Variants in MTCL2 observed in about 807,000 individuals in gnomAD.
The protein encoded by MTCL2 is microtubule crosslinking factor 2.
the MTCL2 span, chr20:36,839,324 G>A: frequency 1.9e-6 from 3 of 1,612,838 alleles, no homozygotes; most frequent in South Asian, 1.1e-5. The surrounding 1 kb of genome is among the most constrained non-coding windows in gnomAD (Gnocchi z 5.1). Flanking sequence ...TGCAGGATGC[G>A]GCAGGTCTTG....
chr20:36,791,940 AAC>A, the MTCL2 span, among the ~76,000 whole-genome samples: 9,237 of 152,256 alleles, frequency 0.061, 961 homozygotes, highest in African/African-American at 0.21. Flanking sequence ...TGCACATTCT[AAC>A]ACATTCAAAT....
At chr20:36,844,777 T>C in the MTCL2 span, among the ~76,000 whole-genome samples, 1 of 151,850 alleles carries the variant, frequency 6.6e-6, no homozygotes, top group Non-Finnish European at 1.5e-5. Context: ...CCCAGCACTA[T>C]GGGGAGACCG....
At chr20:36,788,249 C>T in the MTCL2 span, among the ~76,000 whole-genome samples, 3 of 149,548 alleles carry the variant, frequency 2.0e-5, no homozygotes, top group African/African-American at 7.4e-5. Flanking sequence ...ATGTGGGAGG[C>T]TGAGACAGGA....
At chr20:36,824,259 T>A in the MTCL2 span, among the ~76,000 whole-genome samples, 3 of 152,230 alleles carry the variant, frequency 2.0e-5, no homozygotes, top group Non-Finnish European at 4.4e-5. Context: ...GCATTATTCA[T>A]AGTAGCCAAA....
At chr20:36,784,503 G>T in the MTCL2 span, 1 of 985,430 alleles carries the variant, frequency 1.0e-6, no homozygotes, top group African/African-American at 1.7e-5. Context: ...CTGGCTTTTG[G>T]TCTTCCTGAT....
the MTCL2 span, chr20:36,808,528 C>A: frequency 3.8e-6 from 6 of 1,598,326 alleles, no homozygotes; most frequent in East Asian, 6.8e-5. Flanking sequence ...GGAAGTCATC[C>A]CCTTCGCTGG....
At chr20:36,790,964 G>A in the MTCL2 span, among the ~76,000 whole-genome samples, 1 of 152,118 alleles carries the variant, frequency 6.6e-6, no homozygotes, top group African/African-American at 2.4e-5. Context: ...ACACACTGCT[G>A]GAAGCTGTAG....
the MTCL2 span, among the ~76,000 whole-genome samples, chr20:36,827,624 G>A: frequency 6.6e-6 from 1 of 152,092 alleles, no homozygotes; most frequent in African/African-American, 2.4e-5. Context: ...GAGCCACCGT[G>A]CAGGCTTTGC....
chr20:36,793,215 C>T, the MTCL2 span: 9 of 1,528,070 alleles, frequency 5.9e-6, no homozygotes, highest in Non-Finnish European at 6.2e-6. The surrounding 1 kb of genome is among the most constrained non-coding windows in gnomAD (Gnocchi z 6.8). Context: ...CTAACTCCAC[C>T]TACTAAGAGA....
the MTCL2 span, among the ~76,000 whole-genome samples, chr20:36,816,626 C>G: frequency 6.6e-6 from 1 of 152,128 alleles, no homozygotes; most frequent in African/African-American, 2.4e-5. Flanking sequence ...ATTAAATGAG[C>G]TAAGGATGAA....
chr20:36,798,230 C>T, the MTCL2 span, among the ~76,000 whole-genome samples: 3 of 152,158 alleles, frequency 2.0e-5, no homozygotes, highest in African/African-American at 7.2e-5. Context: ...GCCACCTCGC[C>T]TGGCTAATTT....
At chr20:36,862,998 A>G in the MTCL2 span, 1 of 1,405,652 alleles carries the variant, frequency 7.1e-7, no homozygotes. Context: ...GCTATCCGTG[A>G]GGCTGGGGGG....
the MTCL2 span, among the ~76,000 whole-genome samples, chr20:36,827,426 C>T: frequency 1.5e-5 from 2 of 136,866 alleles, no homozygotes; most frequent in East Asian, 4.5e-4. Context: ...TGCAGTGGTG[C>T]GATCTCACCT....
chr20:36,845,448 T>C, the MTCL2 span, among the ~76,000 whole-genome samples: 2 of 152,248 alleles, frequency 1.3e-5, no homozygotes, highest in African/African-American at 4.8e-5. Context: ...TCACGCCAGT[T>C]CCATCTCTCC....
chr20:36,799,888 A>G, the MTCL2 span, among the ~76,000 whole-genome samples: 2 of 152,176 alleles, frequency 1.3e-5, no homozygotes, highest in East Asian at 3.8e-4. Context: ...TTGCAAGATG[A>G]GAAGGTCAAG....
At chr20:36,821,068 A>G in the MTCL2 span, among the ~76,000 whole-genome samples, 1 of 152,242 alleles carries the variant, frequency 6.6e-6, no homozygotes, top group Non-Finnish European at 1.5e-5. Context: ...AGGACATAGA[A>G]GAATACAGTG....
the MTCL2 span, among the ~76,000 whole-genome samples, chr20:36,814,863 G>C: frequency 6.6e-6 from 1 of 152,094 alleles, no homozygotes; most frequent in East Asian, 1.9e-4. Context: ...TTCCAGCCTG[G>C]GTGACAGAGC....
the MTCL2 span, chr20:36,810,105 G>A: frequency 6.3e-7 from 1 of 1,594,096 alleles, no homozygotes; most frequent in African/African-American, 1.3e-5. Flanking sequence ...GCAGCTCCTT[G>A]ATCTGTGGTA....
the MTCL2 span, among the ~76,000 whole-genome samples, chr20:36,832,997 C>T: frequency 9.2e-5 from 14 of 152,280 alleles, no homozygotes; most frequent in Middle Eastern, 3.4e-3. Flanking sequence ...GAACATCCCC[C>T]GGGTGCTCAC....
Sources: gnomAD v4.1 joint callset for allele counts (sites outside exome capture counted in the v4.1 genomes callset) on GRCh38, gnomAD v4.1.1 for gene constraint, Gnocchi (gnomAD v3.1) non-coding constraint, MANE v1.5 for transcripts, NCBI Gene and HGNC (gene_info 2026-07-23, HGNC 2026-07-21) for gene names.